SYTL2: variants seen among roughly 807,000 people sequenced by gnomAD.
SYTL2 encodes the protein synaptotagmin-like protein 2.
SYTL2 carries 165 observed loss-of-function variants against 198.7 expected under a neutral mutation model. That is an observed-to-expected ratio of 0.83 (90% CI 0.73 to 0.94). The LOEUF (loss-of-function observed/expected upper bound fraction) is 0.94. SYTL2 is among the 40% of genes least tolerant of loss of function. SYTL2 has a pLI of 0.00. For missense variants in SYTL2, 2,835 were observed against 2,582.8 expected (o/e 1.10, Z -2.12); for synonymous variants, 966 against 917.7 (o/e 1.05, Z -0.95).
chr11:85,830,966 C>T, the SYTL2 span, among the ~76,000 whole-genome samples: 1 of 152,182 alleles, frequency 6.6e-6, no homozygotes, highest in African/African-American at 2.4e-5. Flanking sequence ...CAAAATTCTT[C>T]GCCAGATTCA....
At chr11:85,808,888 A>T (rs1335614075) in intron 1 of SYTL2, among the ~76,000 whole-genome samples, 2 of 15,116 alleles carry the variant, frequency 1.3e-4, no homozygotes, top group African/African-American at 4.9e-4. Context: ...TCTTAATTTA[A>T]AAAAAAAAAA....
chr11:85,724,907 C>A lies in SYTL2; in HGVS notation c.4451G>T (p.Arg1484Met). The change falls in exon 8 of 20, where the codon AGG becomes ATG. Residue 1484 changes from arginine to methionine, a missense_variant. Coordinates refer to ENST00000359152, the MANE Select transcript of SYTL2 (RefSeq NM_206927.4). Reference sequence around the variant, plus strand: ...TGATTTGGGTTGAACAATTGTTTCCCTCACAATTTCTTCCACTTCCTGAGG... The same window carrying A: ...TGATTTGGGTTGAACAATTGTTTCCATCACAATTTCTTCCACTTCCTGAGG... ...GLPQEVEEIV[R>M]ETIVQPKSEF... The A allele has an allele frequency of 6.2e-7, 1 of 1,614,124 alleles. No individual in the cohort carries two copies. The highest frequency in any genetic ancestry group is 8.5e-7 in the Non-Finnish European group (1 of 1,180,014).
intron 16 of SYTL2, 58 bp downstream of exon 16, chr11:85,704,799 CT>C: frequency 7.0e-7 from 1 of 1,424,176 alleles, no homozygotes; most frequent in South Asian, 1.3e-5. Flanking sequence ...AAGCTTTTTC[CT>C]ATACACTAGG....
At chr11:85,819,123 C>T in the SYTL2 span, among the ~76,000 whole-genome samples, 1 of 152,110 alleles carries the variant, frequency 6.6e-6, no homozygotes, top group Non-Finnish European at 1.5e-5. Flanking sequence ...ATTTTCATAT[C>T]AATTCTCTAG....
intron 1 of SYTL2, among the ~76,000 whole-genome samples, chr11:85,802,720 T>A (rs573042571): frequency 6.6e-6 from 1 of 152,342 alleles, no homozygotes; most frequent in African/African-American, 2.4e-5. Flanking sequence ...TATTGAATAG[T>A]GACTCTATGC....
In SYTL2 at chr11:85,727,039, C is replaced by T; in HGVS notation, c.2319G>A (p.Gln773=). 3 of 1,536,408 alleles carry T rather than the reference C, an allele frequency of 2.0e-6. No homozygotes were observed. The highest frequency in any genetic ancestry group is 2.6e-6 in the Non-Finnish European group (3 of 1,146,952). ...SPWKKPEVQF[Q]QEAGEVPKNQ... is the part of the protein sequence containing the mutation. ...TCTTGGGAACCTCACCAGCTTCTTG[C>T]TGGAATTGGACCTCAGGCTTCTTCC... The change falls in exon 8 of 20, where the codon CAG becomes CAA. Residue 773 remains glutamine (Q), a synonymous_variant. Transcript: ENST00000359152.
At chr11:85,783,033 G>A (rs2092585758) in intron 1 of SYTL2, among the ~76,000 whole-genome samples, 1 of 152,066 alleles carries the variant, frequency 6.6e-6, no homozygotes, top group Non-Finnish European at 1.5e-5. Flanking sequence ...CACATTTTTG[G>A]ATATCTTTAC....
At chr11:85,843,708 CATAACAGT>C in the SYTL2 span, among the ~76,000 whole-genome samples, 1 of 152,146 alleles carries the variant, frequency 6.6e-6, no homozygotes, top group African/African-American at 2.4e-5. Flanking sequence ...AGCATTCTCA[CATAACAGT>C]TAAAAGGCTA....
chr11:85,791,957 T>C lies in SYTL2; in HGVS notation c.-390+18997A>G, dbSNP rs116244136. Among the ~76,000 whole-genome samples, 204 of 152,206 alleles carry C rather than the reference T, an allele frequency of 1.3e-3. 4 individuals carry two copies. Among genetic ancestry groups the C allele is most frequent in the African/African-American group, 4.8e-3 (197 of 41,456 alleles). ...AAAAGTTGCAAGAGAAAGGGATTAATAACCTTGATGAGCTGACCATCTAGC... is the reference window on the plus strand; with the variant it reads ...AAAAGTTGCAAGAGAAAGGGATTAACAACCTTGATGAGCTGACCATCTAGC... On this transcript the variant is annotated intron_variant, in intron 1 of 19. Coordinates refer to ENST00000359152, the MANE Select transcript of SYTL2 (RefSeq NM_206927.4).
At chr11:85,824,875 C>G in the SYTL2 span, among the ~76,000 whole-genome samples, 1 of 152,182 alleles carries the variant, frequency 6.6e-6, no homozygotes, top group Non-Finnish European at 1.5e-5. Context: ...CTATCCCACC[C>G]TTTCTGCTCT....
the SYTL2 span, among the ~76,000 whole-genome samples, chr11:85,843,462 C>T: frequency 2.6e-5 from 4 of 152,008 alleles, no homozygotes; most frequent in South Asian, 2.1e-4. Flanking sequence ...TTACTAAATA[C>T]GGAACATAGC....
intron 2 of SYTL2, among the ~76,000 whole-genome samples, chr11:85,748,824 G>C (rs1418126805): frequency 6.6e-6 from 1 of 152,136 alleles, no homozygotes; most frequent in Non-Finnish European, 1.5e-5. Flanking sequence ...TTAAAATTGG[G>C]GTTTCTTTGA....
intron 18 of SYTL2, among the ~76,000 whole-genome samples, 153 bp downstream of exon 18, chr11:85,697,826 G>T (rs553737066): frequency 1.3e-5 from 2 of 152,188 alleles, no homozygotes; most frequent in Non-Finnish European, 2.9e-5. Flanking sequence ...GAGAGTTCAT[G>T]ATATAGATTC....
the SYTL2 span, among the ~76,000 whole-genome samples, chr11:85,816,580 T>G: frequency 2.0e-5 from 3 of 152,172 alleles, no homozygotes; most frequent in African/African-American, 7.2e-5. Context: ...CAAAACAATG[T>G]GACTGTACTT....
chr11:85,698,827 C>A (rs1275677250), intron 17 of SYTL2, among the ~76,000 whole-genome samples: 2 of 152,218 alleles, frequency 1.3e-5, no homozygotes, highest in Non-Finnish European at 2.9e-5. Flanking sequence ...GCGTGAGCCA[C>A]CACCCCCAGT....
chr11:85,725,984 G>A lies in SYTL2; in HGVS notation c.3374C>T (p.Ser1125Phe), dbSNP rs769756878. 6.2e-7 allele frequency: 1 copy of A among 1,614,032 alleles called. No individual in the cohort carries two copies. Among genetic ancestry groups the A allele is most frequent in the South Asian group, 1.1e-5 (1 of 91,010 alleles). Reference protein sequence around the residue: ...QESIIKTNVLSKDCKDTFNDS... With the variant: ...QESIIKTNVLFKDCKDTFNDS... ...ATTAAAAGTGTCTTTGCAGTCTTTA[G>A]ACAAAACATTGGTTTTTATTATGGA... The change falls in exon 8 of 20, where the codon TCT becomes TTT. Residue 1125 changes from serine to phenylalanine, a missense_variant. Physicochemically the swap from Ser to Phe is radical, Grantham distance 155. Coordinates refer to ENST00000359152, the MANE Select transcript of SYTL2 (RefSeq NM_206927.4).
intron 1 of SYTL2, among the ~76,000 whole-genome samples, chr11:85,790,774 G>T (rs1453976082): frequency 1.3e-5 from 2 of 152,136 alleles, no homozygotes; most frequent in East Asian, 3.8e-4. Context: ...CAGCAGAAGA[G>T]ATAAACATAG....
chr11:85,737,942 T>TG (rs2090482818), intron 4 of SYTL2, among the ~76,000 whole-genome samples: 1 of 152,090 alleles, frequency 6.6e-6, no homozygotes, highest in African/African-American at 2.4e-5. Context: ...AGGCCCTGGG[T>TG]GGGGAGAGGA....
At chr11:85,833,046 A>G in the SYTL2 span, among the ~76,000 whole-genome samples, 141 of 30,170 alleles carry the variant, frequency 4.7e-3, 17 homozygotes, top group Middle Eastern at 0.014. Context: ...AAAGAAAGAA[A>G]GAAAGAAAGA....
Sources: allele counts gnomAD v4.1 joint callset (sites outside exome capture counted in the v4.1 genomes callset), GRCh38; gene constraint gnomAD v4.1.1; transcripts MANE v1.5; gene names NCBI Gene and HGNC (gene_info 2026-07-23, HGNC 2026-07-21).